Variants in ARID5B observed in about 807,000 individuals in gnomAD.
ARID5B encodes AT-rich interaction domain 5B, also known as AT-rich interactive domain-containing protein 5B.
In ARID5B, 13 loss-of-function variants were observed where a neutral mutation model predicts 97.2. The observed-to-expected ratio is 0.13, with a 90% CI of 0.09 to 0.21. The LOEUF (loss-of-function observed/expected upper bound fraction) is 0.21, where lower values mean the gene tolerates loss of function less well. Ranked by LOEUF, ARID5B falls within the 10% of genes least tolerant of loss-of-function variation. The pLI, the probability that ARID5B is intolerant of heterozygous loss-of-function variation, is 1.00. For synonymous variants in ARID5B, 556 were observed against 570.3 expected, an observed-to-expected ratio of 0.97 and a Z score of 0.36; for missense variants, 1,210 against 1,465.3, an observed-to-expected ratio of 0.83 and a Z score of 2.84.
chr10:61,963,577 T>C (rs7908445), intron 3 of ARID5B, among the ~76,000 whole-genome samples: 85,049 of 151,594 alleles, frequency 0.56, 23,996 homozygotes, highest in Non-Finnish European at 0.59. Flanking sequence ...TGTCTCTCCC[T>C]GACTGGACCA....
chr10:62,093,054 A>G lies in ARID5B; in HGVS notation c.*24A>G. 2 of 1,580,022 alleles carry G rather than the reference A, an allele frequency of 1.3e-6. No individual in the cohort carries two copies. The highest frequency in any genetic ancestry group is 1.7e-6 in the Non-Finnish European group (2 of 1,168,272). On this transcript the variant is annotated 3_prime_UTR_variant, in exon 10 of 10. Coordinates refer to ENST00000279873, the MANE Select transcript of ARID5B (RefSeq NM_032199.3). ...AGGCTCAGCTCTGCCCAGCAGTCCA[A>G]AGCGGCATGGCCAACAGAGCTTCAC...
intron 3 of ARID5B, among the ~76,000 whole-genome samples, chr10:61,946,111 C>T (rs1844494788): frequency 6.7e-6 from 1 of 149,758 alleles, no homozygotes; most frequent in Admixed American, 6.7e-5. Context: ...TTTTATCCTC[C>T]TGAAAATTCT....
At chr10:62,024,631 A>C (rs377337338) in intron 4 of ARID5B, 3 of 393,534 alleles carry the variant, frequency 7.6e-6, no homozygotes, top group African/African-American at 6.2e-5. Context: ...CCTTTGAAGG[A>C]GATTTGACAA....
At chr10:61,927,166 T>A (rs1328323201) in intron 2 of ARID5B, among the ~76,000 whole-genome samples, 1 of 152,208 alleles carries the variant, frequency 6.6e-6, no homozygotes, top group Non-Finnish European at 1.5e-5. Context: ...CTTCATTTTC[T>A]GCTCAAGAGA....
intron 9 of ARID5B, among the ~76,000 whole-genome samples, chr10:62,087,295 T>A (rs1276635834): frequency 9.8e-4 from 1 of 1,020 alleles, no homozygotes; most frequent in Non-Finnish European, 3.6e-3. Context: ...AGAGACTCTA[T>A]CTCAAAAAAA....
Position 62,096,322 on chromosome 10 carries a change from T to G in ARID5B, c.*3292T>G, listed in dbSNP as rs1376945470. 2.1e-5 allele frequency: 5 copies of G among 233,572 alleles called. No individual in the cohort carries two copies. The Admixed American group carries it at 2.8e-4, about 13-fold the overall frequency. The allele number at this position is 233,572 out of a possible 1,614,324, so 14.5% of individuals were successfully genotyped here. ...ACAAAAATATTTTATGTAGTGTGCC[T>G]TCAAAGAGAACCATTTATTTCTCTT... On this transcript the variant is annotated 3_prime_UTR_variant, in exon 10 of 10. Coordinates refer to ENST00000279873, the MANE Select transcript of ARID5B (RefSeq NM_032199.3).
intron 3 of ARID5B, among the ~76,000 whole-genome samples, chr10:61,964,070 T>C (rs1468976769): frequency 6.6e-6 from 1 of 152,168 alleles, no homozygotes; most frequent in Non-Finnish European, 1.5e-5. Flanking sequence ...ACTTGCTGGA[T>C]AATCAGATGT....
At chr10:61,971,292 G>A (rs1838623297) in intron 3 of ARID5B, among the ~76,000 whole-genome samples, 1 of 152,198 alleles carries the variant, frequency 6.6e-6, no homozygotes, top group Admixed American at 6.5e-5. Flanking sequence ...AGAAATTTAA[G>A]TCAGTCCTCC....
Position 62,092,057 on chromosome 10 carries a change from C to T in ARID5B, c.2594C>T (p.Ser865Leu), listed in dbSNP as rs200382682. 3 of 1,614,126 alleles carry T rather than the reference C, an allele frequency of 1.9e-6. No homozygotes were observed. The highest frequency in any genetic ancestry group is 2.2e-5 in the East Asian group (1 of 44,890). Residue 865 changes from serine to leucine, a missense_variant, in exon 10 of 10, where the codon TCG (serine) becomes TTG (leucine). By Grantham distance (145) the Ser-to-Leu change is moderately radical. Coordinates refer to ENST00000279873, the MANE Select transcript of ARID5B (RefSeq NM_032199.3). Reference sequence around the variant, plus strand: ...CCTTCCAGGGACATGTACAGGGAATCGGAAAACAGTTCTTTTCCTTCCCAC... The same window carrying T: ...CCTTCCAGGGACATGTACAGGGAATTGGAAAACAGTTCTTTTCCTTCCCAC... The part of the protein sequence containing the change: ...KYPSRDMYRE[S>L]ENSSFPSHRH...
chr10:62,022,414 G>A (rs966328713), intron 4 of ARID5B, among the ~76,000 whole-genome samples: 4 of 152,334 alleles, frequency 2.6e-5, no homozygotes, highest in African/African-American at 9.6e-5. Flanking sequence ...GCACTGGGAG[G>A]ATGGGGTGGA....
intron 3 of ARID5B, among the ~76,000 whole-genome samples, chr10:61,956,824 C>A (rs1838398062): frequency 6.6e-6 from 1 of 152,132 alleles, no homozygotes; most frequent in African/African-American, 2.4e-5. Context: ...AGTAAAAAAT[C>A]CTTCTTCACC....
intron 3 of ARID5B, among the ~76,000 whole-genome samples, chr10:61,949,747 C>T (rs938326440): frequency 6.6e-6 from 1 of 152,156 alleles, no homozygotes; most frequent in Non-Finnish European, 1.5e-5. Flanking sequence ...AAAGAACTGT[C>T]TGTAGAGATT....
At chr10:61,984,192 A>G (rs1231077895) in intron 3 of ARID5B, among the ~76,000 whole-genome samples, 1 of 152,132 alleles carries the variant, frequency 6.6e-6, no homozygotes, top group Non-Finnish European at 1.5e-5. Context: ...CCTGGGCTCC[A>G]CTGTTTCTTT....
At chr10:62,004,930 A>T (rs984359239) in intron 4 of ARID5B, among the ~76,000 whole-genome samples, 3 of 152,270 alleles carry the variant, frequency 2.0e-5, no homozygotes, top group African/African-American at 7.2e-5. Context: ...GAAATCAATT[A>T]TTCAAGGTGT....
chr10:62,090,564 A>G (rs1181580497), intron 9 of ARID5B, among the ~76,000 whole-genome samples: 2 of 152,248 alleles, frequency 1.3e-5, no homozygotes, highest in African/African-American at 4.8e-5. Context: ...GAATTAAACT[A>G]TATATTAGAA....
At chr10:61,948,380 A>ATTTTTTTTTTTTTTTTTTTTTT in intron 3 of ARID5B, among the ~76,000 whole-genome samples, 1 of 86,192 alleles carries the variant, frequency 1.2e-5, no homozygotes, top group Non-Finnish European at 2.2e-5. Flanking sequence ...ACTTTAGGTA[A>ATTTTTTTTTTTTTTTTTTTTTT]TTTTTTTTTT....
chr10:61,941,783 G>A (rs1296552014), intron 3 of ARID5B, among the ~76,000 whole-genome samples: 1 of 152,162 alleles, frequency 6.6e-6, no homozygotes, highest in Non-Finnish European at 1.5e-5. Flanking sequence ...TGCACATTTA[G>A]AGACAATTAT....
At chr10:61,901,980 T>G (rs1052850267) in intron 1 of ARID5B, among the ~76,000 whole-genome samples, 179 bp from the exon 2 acceptor site, 3 of 151,304 alleles carry the variant, frequency 2.0e-5, no homozygotes, top group East Asian at 1.9e-4. Context: ...TGAGTTTTTT[T>G]TTTTTTTTTT....
At chr10:61,912,064 G>T (rs1295171035) in intron 2 of ARID5B, among the ~76,000 whole-genome samples, 1 of 152,188 alleles carries the variant, frequency 6.6e-6, no homozygotes, top group African/African-American at 2.4e-5. Flanking sequence ...GTAAATGTAT[G>T]TGAAAATCGA....
Sources: allele counts gnomAD v4.1 joint callset (sites outside exome capture counted in the v4.1 genomes callset), GRCh38; gene constraint gnomAD v4.1.1; transcripts MANE v1.5; gene names NCBI Gene and HGNC (gene_info 2026-07-23, HGNC 2026-07-21).